Variants in ZNF277 observed in about 807,000 individuals in gnomAD.
ZNF277 encodes the protein zinc finger protein 277, also known as nuclear receptor-interacting factor 4.
In ZNF277, 55 loss-of-function variants were observed where a neutral mutation model predicts 60.7. The observed-to-expected ratio is 0.91, with a 90% CI of 0.73 to 1.13. ZNF277 has a LOEUF of 1.13. Among genes scored for constraint, ZNF277 ranks in the 50% most tolerant of loss-of-function variants. ZNF277 has a pLI of 0.00. For synonymous variants in ZNF277, 178 were observed against 179.3 expected (o/e 0.99, Z 0.06); for missense variants, 510 against 523.0 (o/e 0.98, Z 0.24).
intron 11 of ZNF277, 80 bp from the exon 12 acceptor site, chr7:112,342,481 A>G (rs1793462572): frequency 1.6e-6 from 2 of 1,244,132 alleles, no homozygotes; most frequent in Non-Finnish European, 2.1e-6. Flanking sequence ...TGACAAAATT[A>G]TAGTAAATGT....
In ZNF277 at chr7:112,314,498, A is replaced by G. The variant is rs182945885; in HGVS notation, c.466-3684A>G. 4.6e-5 allele frequency among the ~76,000 whole-genome samples: 7 copies of G among 152,188 alleles called. No homozygotes were observed. The East Asian group carries it at 1.3e-3, about 29-fold the overall frequency. On this transcript the variant is annotated intron_variant, in intron 4 of 11. Coordinates refer to ENST00000361822, the MANE Select transcript of ZNF277 (RefSeq NM_021994.3). ...AGAAATGTGAGAGAAGACTTTTAAA[A>G]ACCTAGGTTAGAGGCCAGGCGCAGA...
chr7:112,318,356 T>A (rs1189144700), intron 5 of ZNF277, 83 bp downstream of exon 5: 18 of 1,274,190 alleles, frequency 1.4e-5, no homozygotes, highest in Non-Finnish European at 2.0e-5. Context: ...TTATATAAAT[T>A]AAGTTCTATG....
intron 1 of ZNF277, among the ~76,000 whole-genome samples, chr7:112,208,674 A>ATTTTTTTTTTTTTTTTTTT (rs869082099): frequency 4.1e-5 from 3 of 72,802 alleles, no homozygotes; most frequent in African/African-American, 1.2e-4. Flanking sequence ...GTATGATTTG[A>ATTTTTTTTTTTTTTTTTTT]TTTTTTTTTT....
chr7:112,270,858 A>G (rs1173612570), intron 1 of ZNF277, among the ~76,000 whole-genome samples: 1 of 152,116 alleles, frequency 6.6e-6, no homozygotes, highest in Non-Finnish European at 1.5e-5. Context: ...GTGCTTTCAC[A>G]TAAAGCATAT....
At chr7:112,224,769 G>A (rs940455985) in intron 1 of ZNF277, among the ~76,000 whole-genome samples, 11 of 152,206 alleles carry the variant, frequency 7.2e-5, no homozygotes, top group Non-Finnish European at 1.2e-4. Flanking sequence ...TGGTCAATGA[G>A]TCTTTGTTCA....
chr7:112,317,201 A>G (rs112545641), intron 4 of ZNF277, among the ~76,000 whole-genome samples: 4,250 of 152,178 alleles, frequency 0.028, 216 homozygotes, highest in African/African-American at 0.098. Context: ...CCTAATGTAG[A>G]TGATGGGTTG....
intron 1 of ZNF277, among the ~76,000 whole-genome samples, chr7:112,249,132 C>A (rs1219122737): frequency 6.6e-6 from 1 of 152,154 alleles, no homozygotes; most frequent in African/African-American, 2.4e-5. Flanking sequence ...CTAACATTGA[C>A]AGACCAGAGG....
chr7:112,212,817 CT>C (rs1226022195), intron 1 of ZNF277, among the ~76,000 whole-genome samples: 2 of 152,190 alleles, frequency 1.3e-5, no homozygotes, highest in Admixed American at 1.3e-4. Context: ...ATATTATCTT[CT>C]GTATCCTCTC....
At chr7:112,280,452 G>C (rs565419714) in intron 1 of ZNF277, among the ~76,000 whole-genome samples, 16 of 152,168 alleles carry the variant, frequency 1.1e-4, no homozygotes, top group Non-Finnish European at 1.9e-4. Flanking sequence ...GAGAACTAGA[G>C]CAGATAATTT....
intron 2 of ZNF277, among the ~76,000 whole-genome samples, chr7:112,292,873 A>ATGT (rs201443894): frequency 6.6e-6 from 1 of 152,094 alleles, no homozygotes; most frequent in East Asian, 1.9e-4. Flanking sequence ...GTTTGCTGAA[A>ATGT]TGTTGTTGTT....
chr7:112,330,072 T>C lies in ZNF277; in HGVS notation c.669-12T>C, dbSNP rs759570272. ...AGAGACTTGTTTATCAGTGTTTGTG[T>C]ATTTCTTGTAGTTTGCAGTGCTTGT... On this transcript the variant is annotated splice_polypyrimidine_tract_variant and intron_variant, in intron 6 of 11. Coordinates refer to ENST00000361822, the MANE Select transcript of ZNF277 (RefSeq NM_021994.3). The C allele has an allele frequency of 1.2e-6, 2 of 1,605,016 alleles. No individual in the cohort carries two copies. Among genetic ancestry groups the C allele is most frequent in the South Asian group, 1.1e-5 (1 of 88,718 alleles).
At chr7:112,226,751 AT>A (rs1434907478) in intron 1 of ZNF277, among the ~76,000 whole-genome samples, 6 of 152,178 alleles carry the variant, frequency 3.9e-5, no homozygotes, top group African/African-American at 1.4e-4. Context: ...TGTGTGTGGT[AT>A]CATTGTCAGA....
intron 1 of ZNF277, among the ~76,000 whole-genome samples, chr7:112,283,912 G>A (rs186427814): frequency 1.8e-4 from 28 of 152,222 alleles, no homozygotes; most frequent in South Asian, 4.1e-4. Flanking sequence ...TAAAGACAAA[G>A]TAGCTTATAA....
intron 4 of ZNF277, among the ~76,000 whole-genome samples, chr7:112,310,443 T>C (rs1792696021): frequency 1.0e-5 from 1 of 95,874 alleles, no homozygotes; most frequent in Admixed American, 1.0e-4. Flanking sequence ...GGCCTACCTT[T>C]AGGTTAGGTT....
chr7:112,319,422 A>T (rs935370011), intron 5 of ZNF277, among the ~76,000 whole-genome samples: 4 of 151,994 alleles, frequency 2.6e-5, no homozygotes, highest in African/African-American at 9.7e-5. Context: ...GTTTACAAAT[A>T]TACATTCACT....
At chr7:112,213,917 A>G (rs1452045748) in intron 1 of ZNF277, among the ~76,000 whole-genome samples, 1 of 152,160 alleles carries the variant, frequency 6.6e-6, no homozygotes, top group African/African-American at 2.4e-5. Context: ...TATTGCTGGG[A>G]TGTGGAAATG....
At chr7:112,239,701 A>G (rs1055922888) in intron 1 of ZNF277, among the ~76,000 whole-genome samples, 1 of 152,238 alleles carries the variant, frequency 6.6e-6, no homozygotes, top group Non-Finnish European at 1.5e-5. Context: ...AAAGAAAAGG[A>G]TGTTAATGAA....
intron 5 of ZNF277, among the ~76,000 whole-genome samples, chr7:112,323,530 G>A (rs1793032793): frequency 6.6e-6 from 1 of 152,164 alleles, no homozygotes. Flanking sequence ...CTTGTATTCT[G>A]CCCCTTCCAG....
At chr7:112,263,995 T>C (rs571519322) in intron 1 of ZNF277, among the ~76,000 whole-genome samples, 64 of 152,204 alleles carry the variant, frequency 4.2e-4, no homozygotes, top group African/African-American at 1.5e-3. Flanking sequence ...CAGATTTCAG[T>C]TGTAAAACAT....
Sources: allele counts gnomAD v4.1 joint callset (sites outside exome capture counted in the v4.1 genomes callset), GRCh38; gene constraint gnomAD v4.1.1; transcripts MANE v1.5; gene names NCBI Gene and HGNC (gene_info 2026-07-23, HGNC 2026-07-21).